Variants in BEND2 observed in about 807,000 individuals in gnomAD.
The protein encoded by BEND2 is BEN domain-containing protein 2.
BEND2 carries 19 observed loss-of-function variants against 43.8 expected under a neutral mutation model. The ratio of observed to expected loss-of-function variants is 0.43; its 90% confidence interval spans 0.30 to 0.64. The LOEUF (loss-of-function observed/expected upper bound fraction) is 0.64, where lower values mean the gene tolerates loss of function less well. BEND2 is among the 30% of genes least tolerant of loss of function. BEND2 has a pLI of 0.11. For synonymous variants in BEND2, 226 were observed against 210.1 expected (o/e 1.08, Z -0.66); for missense variants, 544 against 574.0 (o/e 0.95, Z 0.53).
intron 7 of BEND2, among the ~76,000 whole-genome samples, chrX:18,194,579 C>G (rs1924877168): frequency 9.0e-6 from 1 of 111,216 alleles, no homozygotes; most frequent in Non-Finnish European, 1.9e-5. Context: ...AAAATAAAAA[C>G]ACAAAAAACC....
intron 4 of BEND2, among the ~76,000 whole-genome samples, chrX:18,211,068 G>A (rs1217348191): frequency 9.0e-6 from 1 of 111,314 alleles, no homozygotes; most frequent in African/African-American, 3.3e-5. Flanking sequence ...AGATAATTAT[G>A]TACAAAACCA....
intron 13 of BEND2, among the ~76,000 whole-genome samples, chrX:18,169,385 C>T (rs751051867): frequency 2.0e-3 from 223 of 110,466 alleles, no homozygotes; most frequent in Non-Finnish European, 3.4e-3. Context: ...ACACAAAACA[C>T]GAAATGTCTA....
At chrX:18,183,504 A>G (rs1924465702) in intron 8 of BEND2, among the ~76,000 whole-genome samples, 1 of 112,514 alleles carries the variant, frequency 8.9e-6, no homozygotes, top group Non-Finnish European at 1.9e-5. Context: ...ATCTACACAA[A>G]AAAGCACCTT....
At chrX:18,217,106 T>G (rs887546713) in intron 1 of BEND2, among the ~76,000 whole-genome samples, 3 of 112,708 alleles carry the variant, frequency 2.7e-5, no homozygotes, top group Non-Finnish European at 5.6e-5. Context: ...GTGGTGACCA[T>G]GAAGTTCTAA....
rs1924751687 is a variant in BEND2 at position 18,190,986 on chromosome X, T to C, written c.1288+15A>G. 8.5e-7 allele frequency: 1 copy of C among 1,181,909 alleles called. No individual in the cohort carries two copies. The highest frequency in any genetic ancestry group is 1.1e-6 in the Non-Finnish European group (1 of 871,913). On this transcript the variant is annotated intron_variant, in intron 8 of 13. Transcript: ENST00000380033. ...TAAAGAGTGCTACTTGTAACATATA[T>C]CATTTCAAACTCACCAAAATCGGGA...
intron 2 of BEND2, among the ~76,000 whole-genome samples, chrX:18,215,631 C>T (rs1713539387): frequency 8.9e-6 from 1 of 112,043 alleles, no homozygotes; most frequent in Non-Finnish European, 1.9e-5. Context: ...AACACAGCCA[C>T]AACCATCTGT....
intron 8 of BEND2, among the ~76,000 whole-genome samples, chrX:18,181,223 A>C (rs1192975381): frequency 2.7e-5 from 3 of 111,875 alleles, no homozygotes; most frequent in Non-Finnish European, 5.6e-5. Context: ...CATTGTAATT[A>C]TTATTATAAT....
At chrX:18,217,818 C>T (rs868644206) in intron 1 of BEND2, among the ~76,000 whole-genome samples, 11 of 111,155 alleles carry the variant, frequency 9.9e-5, no homozygotes, top group African/African-American at 2.3e-4. Context: ...CGGTAGCGAA[C>T]GCCTGTAATC....
chrX:18,196,064 C>G (rs562636324), intron 6 of BEND2, among the ~76,000 whole-genome samples: 1 of 111,101 alleles, frequency 9.0e-6, no homozygotes, highest in South Asian at 3.9e-4. Context: ...TTTGGGAGGC[C>G]GAGGTGGGCG....
chrX:18,179,658 G>A (rs1402050024), intron 9 of BEND2, among the ~76,000 whole-genome samples: 3 of 112,318 alleles, frequency 2.7e-5, no homozygotes, highest in African/African-American at 9.7e-5. Context: ...TCTTACAACA[G>A]CAAAGGTGGG....
intron 12 of BEND2, among the ~76,000 whole-genome samples, chrX:18,172,608 C>T (rs1602025161): frequency 1.8e-5 from 2 of 110,438 alleles, no homozygotes; most frequent in African/African-American, 3.3e-5. Flanking sequence ...GCAGGAGAAT[C>T]GCTTGAACTT....
chrX:18,190,740 ACTCTCT>A (rs59031812), intron 8 of BEND2, among the ~76,000 whole-genome samples: 78 of 98,212 alleles, frequency 7.9e-4, no homozygotes, highest in African/African-American at 1.8e-3. Flanking sequence ...AACTAAATAT[ACTCTCT>A]CTCTCTCTCT....
chrX:18,201,756 G>A, intron 6 of BEND2, 59 bp downstream of exon 6: 1 of 1,138,709 alleles, frequency 8.8e-7, no homozygotes, highest in Non-Finnish European at 1.2e-6. Flanking sequence ...CCCTCCCAAA[G>A]TGCTGGGATT....
intron 3 of BEND2, among the ~76,000 whole-genome samples, chrX:18,213,552 A>T (rs1925575937): frequency 9.0e-6 from 1 of 111,643 alleles, no homozygotes; most frequent in African/African-American, 3.3e-5. Context: ...GGGATAAAGA[A>T]AATGGGAGAA....
Position 18,173,890 on chromosome X carries a change from T to G in BEND2, c.1981+140A>C, listed in dbSNP as rs1023199310. On this transcript the variant is annotated intron_variant, in intron 12 of 13. Coordinates refer to ENST00000380033, the MANE Select transcript of BEND2 (RefSeq NM_153346.5). The stretch of plus-strand genomic sequence containing the variant: ...AACTCATTAATAAAAGACATTAAAT[T>G]ATTTCACTTTCTGATGAAATTTCTC... 97 of 518,137 alleles carry G rather than the reference T, an allele frequency of 1.9e-4. 1 individual carries two copies. In the South Asian group the frequency reaches 2.1e-3, roughly 11 times the overall value. 42.7% of individuals were successfully genotyped at this position (518,137 alleles called of 1,213,427 possible). A position where few individuals can be genotyped will look rare whatever the true frequency, so the allele number is the denominator to read the frequency against.
intron 13 of BEND2, among the ~76,000 whole-genome samples, chrX:18,169,746 G>A (rs1279712181): frequency 8.9e-6 from 1 of 112,182 alleles, no homozygotes; most frequent in Non-Finnish European, 1.9e-5. Flanking sequence ...AGAACTTTGA[G>A]TCTTAGGAGA....
At chrX:18,201,209 C>G (rs1350887046) in intron 6 of BEND2, among the ~76,000 whole-genome samples, 1 of 108,901 alleles carries the variant, frequency 9.2e-6, no homozygotes, top group Non-Finnish European at 1.9e-5. Flanking sequence ...GCCTGACCAA[C>G]ATGGAGAAAC....
Position 18,216,692 on chromosome X carries a change from C to T in BEND2, c.67G>A (p.Asp23Asn). The change falls in exon 2 of 14, where the codon GAT (aspartate) becomes AAT (asparagine). Residue 23 changes from aspartate to asparagine, a missense_variant. Transcript: ENST00000380033. ...ITVDDSDDNN[D>N]CSIEMVEVSE... ...ACTTCCACCATCTCAATACTGCAATCATTGTTATCATCACTGTCGTCGACA... is the reference window on the plus strand; with the variant it reads ...ACTTCCACCATCTCAATACTGCAATTATTGTTATCATCACTGTCGTCGACA... The T allele has an allele frequency of 3.3e-6, 4 of 1,209,970 alleles. No individual in the cohort carries two copies. The highest frequency in any genetic ancestry group is 4.5e-6 in the Non-Finnish European group (4 of 894,104).
At chrX:18,218,556 T>G in intron 1 of BEND2, among the ~76,000 whole-genome samples, 1 of 112,948 alleles carries the variant, frequency 8.9e-6, no homozygotes, top group Non-Finnish European at 1.9e-5. Flanking sequence ...AAAGACATTT[T>G]AACACTTAGA....
Sources: allele counts gnomAD v4.1 joint callset (sites outside exome capture counted in the v4.1 genomes callset), GRCh38; gene constraint gnomAD v4.1.1; transcripts MANE v1.5; gene names NCBI Gene and HGNC (gene_info 2026-07-23, HGNC 2026-07-21).